The following BCAS3 variants were observed in gnomAD, a reference collection of about 807,000 sequenced individuals.
BCAS3 encodes BCAS4/BCAS3 fusion.
Under a neutral mutation model 116.1 loss-of-function variants are expected in BCAS3, and 53 were observed. That is an observed-to-expected ratio of 0.46 (90% CI 0.37 to 0.57). BCAS3 has a LOEUF of 0.57. Ranked by LOEUF, BCAS3 falls within the 20% of genes least tolerant of loss-of-function variation. BCAS3 has a pLI of 0.00. For synonymous variants in BCAS3, 391 were observed against 408.2 expected (o/e 0.96, Z 0.51); for missense variants, 917 against 1,165.4 (o/e 0.79, Z 3.10).
chr17:61,013,851 G>A lies in BCAS3; in HGVS notation c.1487-1900G>A, dbSNP rs542260300. 1.2e-4 allele frequency among the ~76,000 whole-genome samples: 18 copies of A among 152,174 alleles called. No individual in the cohort carries two copies. The South Asian group carries it at 3.5e-3, about 30-fold the overall frequency. On this transcript the variant is annotated intron_variant, in intron 15 of 23. Coordinates refer to ENST00000407086, the MANE Select transcript of BCAS3 (RefSeq NM_017679.5). This position sits in a 1 kb window ranked among gnomAD's most constrained non-coding sequence, Gnocchi z 4.4. Reference sequence around the variant, plus strand: ...TTGGTTAAGCCACTATCCTAATTCTGAAGCCACTGTCATCTTGTTACGATT... The same window carrying A: ...TTGGTTAAGCCACTATCCTAATTCTAAAGCCACTGTCATCTTGTTACGATT...
At chr17:61,245,514 T>C (rs1158958851) in intron 22 of BCAS3, 2 of 151,716 alleles carry the variant, frequency 1.3e-5, no homozygotes, top group East Asian at 3.9e-4. Flanking sequence ...CACACTCGGC[T>C]TAATTTTAGG....
In BCAS3 at chr17:60,687,606, G is replaced by T. The variant is rs375187586; in HGVS notation, c.139-2080G>T. Among the ~76,000 whole-genome samples the T allele has an allele frequency of 2.2e-3, 332 of 151,934 alleles. 2 individuals are homozygous for T. Among genetic ancestry groups the T allele is most frequent in the Middle Eastern group, 0.014 (4 of 294 alleles). ...GTGACAGAACCAGACCCTGTCTCGA[G>T]AAATACAAAAACAGAAACCCAAAAA... On this transcript the variant is annotated intron_variant, in intron 3 of 23. Coordinates refer to ENST00000407086, the MANE Select transcript of BCAS3 (RefSeq NM_017679.5).
In BCAS3 at chr17:60,894,021, G is replaced by A. The variant is rs554389572; in HGVS notation, c.738+4250G>A. On this transcript the variant is annotated intron_variant, in intron 10 of 23. Transcript: ENST00000407086. ...TGATTTGTTATTTTTGCTTAGGACC[G>A]CTTTGGCCATTTGCTGCCCCACCCC... Among the ~76,000 whole-genome samples, 27 of 151,928 alleles carry A rather than the reference G, an allele frequency of 1.8e-4. 1 individual carries two copies. The highest frequency in any genetic ancestry group is 5.6e-4 in the African/African-American group (23 of 41,338).
At chr17:61,009,501 T>A (rs1398112392) in intron 15 of BCAS3, among the ~76,000 whole-genome samples, 2 of 152,082 alleles carry the variant, frequency 1.3e-5, no homozygotes, top group Non-Finnish European at 2.9e-5. Flanking sequence ...TAAGGTACTT[T>A]CTGATCTACA....
At position 61,220,892 on chromosome 17, in the gene BCAS3, A is replaced by G. The variant is rs1275646590; in HGVS notation, c.2425+136328A>G. 2.0e-5 allele frequency among the ~76,000 whole-genome samples: 3 copies of G among 152,150 alleles called. No individual in the cohort carries two copies. Among genetic ancestry groups the G allele is most frequent in the Non-Finnish European group, 4.4e-5 (3 of 68,026 alleles). On this transcript the variant is annotated intron_variant, in intron 22 of 23. Coordinates refer to ENST00000407086, the MANE Select transcript of BCAS3 (RefSeq NM_017679.5). The surrounding 1 kb of genome is among the most constrained non-coding windows in gnomAD (Gnocchi z 4.5). ...GAGGTGGGTGGATCACGAGGTCAGG[A>G]GATCGAGACCATCCTGGCCAACACG...
At position 60,956,863 on chromosome 17, in the gene BCAS3, A is replaced by G. The variant is rs1013625669; in HGVS notation, c.1221+9511A>G. Among the ~76,000 whole-genome samples the G allele has an allele frequency of 3.3e-5, 5 of 152,170 alleles. No individual in the cohort carries two copies. The highest frequency in any genetic ancestry group is 1.9e-4 in the East Asian group (1 of 5,196). On this transcript the variant is annotated intron_variant, in intron 14 of 23. Transcript: ENST00000407086. The surrounding 1 kb of genome is among the most constrained non-coding windows in gnomAD (Gnocchi z 4.2). ...AAATTTAACACCAGTCGTGAAATCT[A>G]TATGTCACATGATCTGTTTGGCCCT...
At chr17:60,784,670 C>T (rs1047713597) in intron 6 of BCAS3, among the ~76,000 whole-genome samples, 1 of 150,878 alleles carries the variant, frequency 6.6e-6, no homozygotes, top group African/African-American at 2.4e-5. Flanking sequence ...AACTCCTGGG[C>T]TTGCAATCCT....
intron 6 of BCAS3, among the ~76,000 whole-genome samples, chr17:60,801,700 T>A (rs1291493796): frequency 6.6e-6 from 1 of 152,222 alleles, no homozygotes. Context: ...TCTGGTAGCT[T>A]ATAGAAGCTT....
At chr17:60,877,640 A>C (rs2055737270) in intron 9 of BCAS3, among the ~76,000 whole-genome samples, 1 of 152,238 alleles carries the variant, frequency 6.6e-6, no homozygotes, top group Non-Finnish European at 1.5e-5. Flanking sequence ...TCTTCACTAC[A>C]GGAAGAAGAG....
chr17:61,374,152 G>A (rs184725838), intron 23 of BCAS3, among the ~76,000 whole-genome samples: 91 of 149,598 alleles, frequency 6.1e-4, no homozygotes, highest in African/African-American at 2.1e-3. Context: ...TCTGTTGCAG[G>A]AGTATCTGAG....
At chr17:60,694,578 A>C (rs1210827538) in intron 4 of BCAS3, among the ~76,000 whole-genome samples, 1 of 151,978 alleles carries the variant, frequency 6.6e-6, no homozygotes, top group African/African-American at 2.4e-5. Context: ...TTCTGGGCTC[A>C]AGCCATCCTT....
chr17:60,868,055 GCT>G (rs1262545278), intron 7 of BCAS3, among the ~76,000 whole-genome samples: 1 of 125,910 alleles, frequency 7.9e-6, no homozygotes, highest in African/African-American at 3.0e-5. Flanking sequence ...ACGGATTCTT[GCT>G]CTGTCACCCA....
chr17:61,147,584 A>G (rs1293409318), intron 22 of BCAS3, among the ~76,000 whole-genome samples: 3 of 152,358 alleles, frequency 2.0e-5, no homozygotes, highest in African/African-American at 4.8e-5. Context: ...AGTGTTCTCA[A>G]GTATAACTCA....
At chr17:60,903,240 A>C (rs763264409) in intron 11 of BCAS3, among the ~76,000 whole-genome samples, 1 of 152,256 alleles carries the variant, frequency 6.6e-6, no homozygotes, top group Non-Finnish European at 1.5e-5. Flanking sequence ...TGAATCTAAA[A>C]GACAACATAT....
At chr17:60,716,507 C>T (rs1039493566) in intron 5 of BCAS3, among the ~76,000 whole-genome samples, 3 of 152,008 alleles carry the variant, frequency 2.0e-5, no homozygotes, top group African/African-American at 4.8e-5. Context: ...TGGTGGCTCA[C>T]GCCTATACTC....
chr17:60,810,486 GCT>G lies in BCAS3; in HGVS notation c.476+2411_476+2412del, dbSNP rs2048706544. On this transcript the variant is annotated intron_variant, in intron 7 of 23. Transcript: ENST00000407086. The stretch of plus-strand genomic sequence containing the variant: ...GGAGCGTGGAGACCGGAAACCAGAA[GCT>G]GGAGAGCAAAACCCAGGAGCACCTG... 4.3e-6 allele frequency: 3 copies of G among 697,470 alleles called. No individual in the cohort carries two copies. In the East Asian group the frequency reaches 8.5e-5, roughly 20 times the overall value. 43.2% of individuals were successfully genotyped at this position (697,470 alleles called of 1,614,324 possible). A position where few individuals can be genotyped will look rare whatever the true frequency, so the allele number is the denominator to read the frequency against.
chr17:61,247,053 G>A (rs1012088094), intron 22 of BCAS3, among the ~76,000 whole-genome samples: 1 of 151,990 alleles, frequency 6.6e-6, no homozygotes, highest in Non-Finnish European at 1.5e-5. Context: ...AATTTTTTAA[G>A]TACAGTGTAT....
At chr17:61,223,686 T>A (rs2082235260) in intron 22 of BCAS3, among the ~76,000 whole-genome samples, 1 of 152,230 alleles carries the variant, frequency 6.6e-6, no homozygotes, top group African/African-American at 2.4e-5. Flanking sequence ...GTTCTTTTCA[T>A]GATGTATGCT....
intron 8 of BCAS3, among the ~76,000 whole-genome samples, chr17:60,869,948 T>C (rs570874785): frequency 6.6e-6 from 1 of 152,156 alleles, no homozygotes; most frequent in African/African-American, 2.4e-5. Flanking sequence ...ACAAAACTCT[T>C]TCTCTTATTT....
Sources: allele counts gnomAD v4.1 joint callset (sites outside exome capture counted in the v4.1 genomes callset), GRCh38; gene constraint gnomAD v4.1.1; non-coding constraint Gnocchi (gnomAD v3.1); transcripts MANE v1.5; gene names NCBI Gene and HGNC (gene_info 2026-07-23, HGNC 2026-07-21).